Variants in COL19A1 observed in about 807,000 individuals in gnomAD.
The protein encoded by COL19A1 is collagen type XIX alpha 1 chain.
A neutral mutation model predicts 190.2 loss-of-function variants in COL19A1; 159 were observed. The observed-to-expected ratio is 0.84, with a 90% CI of 0.73 to 0.95. COL19A1 has a LOEUF of 0.95. Ranked by LOEUF, COL19A1 falls within the 40% of genes least tolerant of loss-of-function variation. The probability of loss-of-function intolerance (pLI) is 0.00; values close to 1 mark genes in which losing one functional copy is unlikely to be tolerated. For missense variants in COL19A1, 1,418 were observed against 1,431.9 expected, an observed-to-expected ratio of 0.99 and a Z score of 0.16; for synonymous variants, 509 against 458.9, an observed-to-expected ratio of 1.11 and a Z score of -1.39.
intron 11 of COL19A1, among the ~76,000 whole-genome samples, chr6:69,971,941 C>T (rs1264392737): frequency 6.6e-6 from 1 of 152,146 alleles, no homozygotes; most frequent in Non-Finnish European, 1.5e-5. Flanking sequence ...ATTTTAAAAA[C>T]ATTTTAGTTG....
At chr6:70,148,766 A>AAC (rs1306070938) in intron 27 of COL19A1, among the ~76,000 whole-genome samples, 1 of 152,072 alleles carries the variant, frequency 6.6e-6, no homozygotes, top group Non-Finnish European at 1.5e-5. Context: ...ATCTCTGCTA[A>AAC]ACATACAAAA....
intron 17 of COL19A1, among the ~76,000 whole-genome samples, chr6:70,124,271 G>A (rs745781454): frequency 9.9e-5 from 15 of 152,094 alleles, no homozygotes; most frequent in Non-Finnish European, 2.1e-4. Flanking sequence ...ATGAGAATAA[G>A]TTGGCTCTGA....
chr6:70,025,155 C>A (rs112879638), intron 12 of COL19A1, among the ~76,000 whole-genome samples: 1 of 151,836 alleles, frequency 6.6e-6, no homozygotes, highest in South Asian at 2.1e-4. Context: ...CTCAGCCTTC[C>A]GAGTAGCTGG....
In COL19A1 at chr6:70,121,893, T is replaced by C; in HGVS notation, c.1292T>C (p.Ile431Thr). ...TTTATAATACAGGGACCTCCTGGAA[T>C]ACAAGGAATACACCAAACTCTTGGT... ...GPPGPPGPPG[I>T]QGIHQTLGGY... The change falls in exon 17 of 51, where the codon ATA (isoleucine) becomes ACA (threonine). Residue 431 changes from isoleucine (I) to threonine (T), a missense_variant. Coordinates refer to ENST00000620364, the MANE Select transcript of COL19A1 (RefSeq NM_001858.6). 2 of 1,585,650 alleles carry C rather than the reference T, an allele frequency of 1.3e-6. No individual in the cohort carries two copies. The highest frequency in any genetic ancestry group is 1.7e-6 in the Non-Finnish European group (2 of 1,167,290).
At chr6:70,139,883 A>G (rs1202395233) in intron 19 of COL19A1, among the ~76,000 whole-genome samples, 11 of 151,910 alleles carry the variant, frequency 7.2e-5, no homozygotes. Context: ...AGCCAGGACT[A>G]AATATCAAGT....
At chr6:70,034,159 G>A (rs1326186647) in intron 12 of COL19A1, 86 bp from the exon 13 acceptor site, 3 of 936,270 alleles carry the variant, frequency 3.2e-6, no homozygotes, top group African/African-American at 3.2e-5. Context: ...TGGAGGTTCA[G>A]TAAATTATGA....
At chr6:70,197,701 G>A (rs1046545698) in intron 48 of COL19A1, among the ~76,000 whole-genome samples, 6 of 152,052 alleles carry the variant, frequency 3.9e-5, no homozygotes, top group Admixed American at 3.3e-4. Flanking sequence ...AGTGATACTC[G>A]AGGGCAGGTG....
intron 35 of COL19A1, among the ~76,000 whole-genome samples, chr6:70,162,242 A>G (rs977241505): frequency 1.3e-5 from 2 of 152,104 alleles, no homozygotes; most frequent in African/African-American, 4.8e-5. Flanking sequence ...TCTATTTTTT[A>G]TTTATAATTT....
intron 11 of COL19A1, among the ~76,000 whole-genome samples, chr6:69,986,507 A>C (rs938583227): frequency 3.3e-5 from 5 of 152,156 alleles, no homozygotes; most frequent in Admixed American, 6.5e-5. Context: ...AAGTCTAGGC[A>C]TGTGCCTTGG....
chr6:69,898,837 T>A, intron 2 of COL19A1, 111 bp from the exon 3 acceptor site: 1 of 685,632 alleles, frequency 1.5e-6, no homozygotes, highest in South Asian at 2.1e-5. Flanking sequence ...TTTACAGAAA[T>A]TTAATAAATG....
In COL19A1 at chr6:69,921,772, A is replaced by G. The variant is rs185595068; in HGVS notation, c.267-6137A>G. Among the ~76,000 whole-genome samples, 373 of 146,598 alleles carry G rather than the reference A, an allele frequency of 2.5e-3. 7 individuals are homozygous for G. The highest frequency in any genetic ancestry group is 9.3e-3 in the African/African-American group (353 of 38,136). On this transcript the variant is annotated intron_variant, in intron 4 of 50. Coordinates refer to ENST00000620364, the MANE Select transcript of COL19A1 (RefSeq NM_001858.6). ...TGTATATTCGTATGTAGATTCGTAT[A>G]TGTATATTCGTATGTAGATTCGTAT...
At chr6:70,063,537 C>T (rs551547501) in intron 14 of COL19A1, among the ~76,000 whole-genome samples, 2 of 152,160 alleles carry the variant, frequency 1.3e-5, no homozygotes, top group South Asian at 4.2e-4. Context: ...CAGGAAAGAT[C>T]TAAAATTGAC....
intron 9 of COL19A1, among the ~76,000 whole-genome samples, chr6:69,941,690 C>CTT (rs534792473): frequency 0.017 from 2,154 of 130,530 alleles, 53 homozygotes; most frequent in African/African-American, 0.054. Flanking sequence ...GTGCTAGTTG[C>CTT]TTTTTTTTTT....
chr6:69,942,917 C>T (rs562561155), intron 9 of COL19A1, among the ~76,000 whole-genome samples: 1 of 152,134 alleles, frequency 6.6e-6, no homozygotes, highest in South Asian at 2.1e-4. Flanking sequence ...ATACATATCC[C>T]CAGTGGGATT....
Position 70,145,722 on chromosome 6 carries a change from C to CTT in COL19A1, c.1770+730_1770+731dup, listed in dbSNP as rs56306364. Among the ~76,000 whole-genome samples the CTT allele has an allele frequency of 6.6e-3, 843 of 128,142 alleles. 30 individuals are homozygous for CTT. The highest frequency in any genetic ancestry group is 0.021 in the African/African-American group (706 of 34,186). The allele number at this position is 128,142 out of a possible 152,430, so 84.1% of individuals were successfully genotyped here. ...TATTCATCTATTCATCTTATTGTTT[C>CTT]TTTTTTTTTTTTTTTTGAGACAGGG... On this transcript the variant is annotated intron_variant, in intron 25 of 50. Transcript: ENST00000620364.
chr6:70,093,638 C>T (rs887561429), intron 15 of COL19A1, among the ~76,000 whole-genome samples: 12 of 152,074 alleles, frequency 7.9e-5, no homozygotes, highest in African/African-American at 2.9e-4. Context: ...CAAAATCTGA[C>T]TTGGTAGTGA....
chr6:70,144,235 C>T lies in COL19A1; in HGVS notation c.1652C>T (p.Pro551Leu), dbSNP rs1369069623. ...DVGLPGEHGI[P>L]GKQGIKGEKG... The stretch of plus-strand genomic sequence containing the variant: ...GGATTGCCAGGAGAACATGGTATCC[C>T]AGGAAAACAAGGCATTAAAGGAGAA... Residue 551 changes from proline (P) to leucine (L), a missense_variant, in exon 24 of 51, where the codon CCA becomes CTA. Transcript: ENST00000620364. The T allele has an allele frequency of 6.8e-6, 11 of 1,612,358 alleles. No homozygotes were observed. Among genetic ancestry groups the T allele is most frequent in the Non-Finnish European group, 9.3e-6 (11 of 1,178,866 alleles).
intron 16 of COL19A1, among the ~76,000 whole-genome samples, chr6:70,111,007 A>T (rs1331442608): frequency 6.6e-6 from 1 of 152,286 alleles, no homozygotes. Context: ...GGTAAACATT[A>T]AGATTTGAGA....
intron 18 of COL19A1, among the ~76,000 whole-genome samples, chr6:70,130,597 C>A (rs929297031): frequency 1.3e-5 from 2 of 152,224 alleles, no homozygotes; most frequent in African/African-American, 4.8e-5. Context: ...ACGTAGGGGG[C>A]AGCCCCCTGG....
Sources: allele counts gnomAD v4.1 joint callset (sites outside exome capture counted in the v4.1 genomes callset), GRCh38; gene constraint gnomAD v4.1.1; transcripts MANE v1.5; gene names NCBI Gene and HGNC (gene_info 2026-07-23, HGNC 2026-07-21).